The following MTSS2 variants were observed in gnomAD, a reference collection of about 807,000 sequenced individuals.
MTSS2 encodes MTSS I-BAR domain containing 2.
A neutral mutation model predicts 67.1 loss-of-function variants in MTSS2; 27 were observed. The observed-to-expected ratio is 0.40, with a 90% CI of 0.30 to 0.55. The LOEUF (loss-of-function observed/expected upper bound fraction) is 0.55, where lower values mean the gene tolerates loss of function less well. MTSS2 is among the 20% of genes least tolerant of loss of function. The pLI, the probability that MTSS2 is intolerant of heterozygous loss-of-function variation, is 0.43. For missense variants in MTSS2, 1,171 were observed against 1,067.8 expected (o/e 1.10, Z -1.35); for synonymous variants, 624 against 468.6 (o/e 1.33, Z -4.28).
In MTSS2 at chr16:70,664,606, G is replaced by T; in HGVS notation, c.1463C>A (p.Pro488His). 1 of 1,612,456 alleles carries T rather than the reference G, an allele frequency of 6.2e-7. No individual in the cohort carries two copies. Reference protein sequence around the residue: ...TTPSCSEDTIPSQGSDYDCYS... With the variant: ...TTPSCSEDTIHSQGSDYDCYS... ...CAGCCCCGCGGGCCTGCCTTGGGAG[G>T]GGATGGTGTCCTCAGAGCAGGAGGG... The change falls in exon 14 of 15, where the codon CCC becomes CAC. Residue 488 changes from proline (P) to histidine (H), a missense_variant. Transcript: ENST00000338779.
At chr16:70,676,774 G>T in intron 10 of MTSS2, 107 bp downstream of exon 10, 1 of 938,674 alleles carries the variant, frequency 1.1e-6, no homozygotes, top group Non-Finnish European at 1.7e-6. Context: ...TAAAAGTTGT[G>T]AATTTTGAGG....
Position 70,685,818 on chromosome 16 carries a change from C to G in MTSS2, c.-27G>C, listed in dbSNP as rs760094994. 102 of 1,258,398 alleles carry G rather than the reference C, an allele frequency of 8.1e-5. No individual in the cohort carries two copies. The highest frequency in any genetic ancestry group is 9.6e-5 in the Non-Finnish European group (94 of 984,136). The allele number at this position is 1,258,398 out of a possible 1,614,324, so 78.0% of individuals were successfully genotyped here. Reference sequence around the variant, plus strand: ...CTCTGGCTGGGCCGGGCCGCGGCGGCGGCTAGGCGCACGGAGCGCGGGGAG... The same window carrying G: ...CTCTGGCTGGGCCGGGCCGCGGCGGGGGCTAGGCGCACGGAGCGCGGGGAG... On this transcript the variant is annotated 5_prime_UTR_variant, in exon 1 of 15. Transcript: ENST00000338779.
Position 70,665,751 on chromosome 16 carries a change from T to TGACCCAGCTGA in MTSS2, c.1054-212_1054-211insTCAGCTGGGTC, listed in dbSNP as rs1166333355. The TGACCCAGCTGA allele has an allele frequency of 6.3e-4, 310 of 493,704 alleles. 1 individual carries two copies. The highest frequency in any genetic ancestry group is 1.4e-4 in the Non-Finnish European group (40 of 276,736). 30.6% of individuals were successfully genotyped at this position (493,704 alleles called of 1,614,324 possible). A position where few individuals can be genotyped will look rare whatever the true frequency, so the allele number is the denominator to read the frequency against. ...AGCCCAGAGTGCACACGGTGAACGC[T>TGACCCAGCTGA]GACCCACCTGACAGCCCAGCCCTGC... On this transcript the variant is annotated intron_variant, in intron 11 of 14. Coordinates refer to ENST00000338779, the MANE Select transcript of MTSS2 (RefSeq NM_138383.3).
chr16:70,678,163 A>C (rs1040131357), intron 8 of MTSS2, 89 bp downstream of exon 8: 16 of 1,465,440 alleles, frequency 1.1e-5, no homozygotes, highest in Non-Finnish European at 1.2e-5. Context: ...CCAGCCAGGG[A>C]CTGCTGAGAA....
At chr16:70,681,310 T>A (rs1027693271) in intron 1 of MTSS2, among the ~76,000 whole-genome samples, 1 of 152,178 alleles carries the variant, frequency 6.6e-6, no homozygotes, top group Non-Finnish European at 1.5e-5. Flanking sequence ...ACATCCTCCC[T>A]CAGGGGAAAT....
At chr16:70,666,295 G>A (rs2052711897) in intron 11 of MTSS2, among the ~76,000 whole-genome samples, 2 of 152,160 alleles carry the variant, frequency 1.3e-5, no homozygotes, top group Admixed American at 6.5e-5. Context: ...GAAGGGGGTG[G>A]GGGAAGGCTG....
chr16:70,681,816 A>G (rs2053313574), intron 1 of MTSS2, among the ~76,000 whole-genome samples: 1 of 152,202 alleles, frequency 6.6e-6, no homozygotes, highest in South Asian at 2.1e-4. Context: ...GTCCAATCTG[A>G]TTTTGGGGCT....
intron 10 of MTSS2, among the ~76,000 whole-genome samples, chr16:70,675,440 C>CA (rs1366929504): frequency 6.6e-6 from 1 of 152,104 alleles, no homozygotes; most frequent in African/African-American, 2.4e-5. Context: ...CAACAAAACC[C>CA]AAAAAACCCA....
Position 70,665,034 on chromosome 16 carries a change from G to C in MTSS2, c.1191C>G (p.Asp397Glu). 1 of 1,597,256 alleles carries C rather than the reference G, an allele frequency of 6.3e-7. No individual in the cohort carries two copies. Among genetic ancestry groups the C allele is most frequent in the Middle Eastern group, 1.7e-4 (1 of 5,828 alleles). Residue 397 changes from aspartate to glutamate, a missense_variant, in exon 13 of 15, where the codon GAC becomes GAG. Around this residue, in one of 2 missense-constraint regions of MTSS2, gnomAD observed 924 missense variants for 756.0 expected, o/e 1.22. Transcript: ENST00000338779. ...PSGATLQRRK[D>E]RVELLRDTEP... ...CTGTGTCTCGCAGGAGCTCCACTCG[G>C]TCCTTCCTCCGCTGCAGAGTGGCGC...
chr16:70,668,455 A>C (rs903404582), intron 11 of MTSS2, among the ~76,000 whole-genome samples: 11 of 152,134 alleles, frequency 7.2e-5, no homozygotes, highest in Non-Finnish European at 1.5e-4. Flanking sequence ...ACAATAATTA[A>C]GATGGTGTGG....
At position 70,679,888 on chromosome 16, in the gene MTSS2, CG is replaced by C. The variant is rs896858871; in HGVS notation, c.291-12del. ...CTCTCCAGCAGTGCGCTGCGGAGGG[CG>C]GGCGGGAGCGCAGGTCAGGGCCGGG... On this transcript the variant is annotated splice_polypyrimidine_tract_variant and intron_variant, in intron 4 of 14. Coordinates refer to ENST00000338779, the MANE Select transcript of MTSS2 (RefSeq NM_138383.3). The C allele has an allele frequency of 6.3e-7, 1 of 1,587,436 alleles. No individual in the cohort carries two copies. Among genetic ancestry groups the C allele is most frequent in the African/African-American group, 1.3e-5 (1 of 74,612 alleles).
Position 70,663,596 on chromosome 16 carries a change from C to A in MTSS2, c.*81G>T. ...GGCTCTGTCCTCTCTCCTGGCTGGG[C>A]CTTTGCTCTGAGTGCCTGCGGCTCA... On this transcript the variant is annotated 3_prime_UTR_variant, in exon 15 of 15. Coordinates refer to ENST00000338779, the MANE Select transcript of MTSS2 (RefSeq NM_138383.3). 10 of 1,461,782 alleles carry A rather than the reference C, an allele frequency of 6.8e-6. No individual in the cohort carries two copies. In the South Asian group the frequency reaches 1.2e-4, roughly 17 times the overall value. The allele number at this position is 1,461,782 out of a possible 1,614,324, so 90.6% of individuals were successfully genotyped here.
intron 11 of MTSS2, among the ~76,000 whole-genome samples, chr16:70,673,331 T>A (rs1326372813): frequency 2.0e-5 from 3 of 152,142 alleles, no homozygotes; most frequent in Admixed American, 2.0e-4. Context: ...GAGACTCAGA[T>A]TCCTCAGAAA....
rs550475929 is a variant in MTSS2, at chr16:70,673,836, A to G, written c.1053+470T>C. Among the ~76,000 whole-genome samples the G allele has an allele frequency of 4.6e-5, 7 of 152,260 alleles. No homozygotes were observed. In the South Asian group the frequency reaches 1.5e-3, roughly 32 times the overall value. On this transcript the variant is annotated intron_variant, in intron 11 of 14. Transcript: ENST00000338779. ...CTCAGGAGGTGGGGTTGTGTTAAGTATGCATATGGTAAGATTTCAAGGTAA... is the reference window on the plus strand; with the variant it reads ...CTCAGGAGGTGGGGTTGTGTTAAGTGTGCATATGGTAAGATTTCAAGGTAA...
intron 10 of MTSS2, among the ~76,000 whole-genome samples, chr16:70,676,009 C>T (rs755366638): frequency 1.3e-5 from 2 of 152,244 alleles, no homozygotes; most frequent in African/African-American, 4.8e-5. Flanking sequence ...AGCCCCTTCA[C>T]TGTGGGACGG....
intron 11 of MTSS2, among the ~76,000 whole-genome samples, chr16:70,670,904 A>G (rs1212512613): frequency 6.8e-6 from 1 of 146,312 alleles, no homozygotes; most frequent in Non-Finnish European, 1.5e-5. Flanking sequence ...CAGGAGTTTG[A>G]GACTGCACTG....
At position 70,662,771 on chromosome 16, in the gene MTSS2, G is replaced by A. The variant is rs2052533800; in HGVS notation, c.*906C>T. ...CTCCATTTTATTATATTCATAAAATGACCCCACACCTCCTACTGCTCCAGT... is the reference window on the plus strand; with the variant it reads ...CTCCATTTTATTATATTCATAAAATAACCCCACACCTCCTACTGCTCCAGT... On this transcript the variant is annotated 3_prime_UTR_variant, in exon 15 of 15. Transcript: ENST00000338779. 6.6e-6 allele frequency: 1 copy of A among 152,508 alleles called. No homozygotes were observed. The highest frequency in any genetic ancestry group is 6.5e-5 in the Admixed American group (1 of 15,276). The allele number at this position is 152,508 out of a possible 1,614,324, so 9.4% of individuals were successfully genotyped here.
intron 11 of MTSS2, chr16:70,665,838 A>G (rs1264691615): frequency 7.0e-6 from 2 of 286,032 alleles, no homozygotes; most frequent in Non-Finnish European, 1.3e-5. Context: ...ACCGAGGGGA[A>G]AAAGAGATAC....
chr16:70,675,284 G>A (rs1238291402), intron 10 of MTSS2, among the ~76,000 whole-genome samples: 1 of 151,812 alleles, frequency 6.6e-6, no homozygotes, highest in Non-Finnish European at 1.5e-5. Flanking sequence ...TTAGCCAGGC[G>A]TGGTGGTGCA....
Sources: allele counts gnomAD v4.1 joint callset (sites outside exome capture counted in the v4.1 genomes callset), GRCh38; gene constraint gnomAD v4.1.1; regional missense constraint gnomAD v4.1.1; transcripts MANE v1.5; gene names NCBI Gene and HGNC (gene_info 2026-07-23, HGNC 2026-07-21).